Variants in ABLIM1 observed in about 807,000 individuals in gnomAD.
The protein encoded by ABLIM1 is actin binding LIM protein 1, also known as actin-binding LIM protein 1.
Under a neutral mutation model 107.0 loss-of-function variants are expected in ABLIM1, and 40 were observed. The ratio of observed to expected loss-of-function variants is 0.37; its 90% CI spans 0.29 to 0.49. ABLIM1 has a LOEUF of 0.49. ABLIM1 is among the 20% of genes least tolerant of loss of function. The pLI is 0.97. For missense variants in ABLIM1, 857 were observed against 1,008.5 expected, an observed-to-expected ratio of 0.85 and a Z score of 2.04; for synonymous variants, 357 against 357.3, an observed-to-expected ratio of 1.00 and a Z score of 0.01.
intron 6 of ABLIM1, among the ~76,000 whole-genome samples, chr10:114,534,746 T>A (rs556456583): frequency 6.6e-6 from 1 of 152,262 alleles, no homozygotes; most frequent in Admixed American, 6.5e-5. Context: ...CTTACACATT[T>A]CAGCCAAACT....
chr10:114,626,988 C>G (rs1429429965), intron 1 of ABLIM1, among the ~76,000 whole-genome samples: 1 of 152,154 alleles, frequency 6.6e-6, no homozygotes, highest in Admixed American at 6.5e-5. Context: ...TGACAGCCCT[C>G]AGAAGGAACC....
At chr10:114,444,977 C>T (rs1001707246) in intron 16 of ABLIM1, among the ~76,000 whole-genome samples, 6 of 152,242 alleles carry the variant, frequency 3.9e-5, no homozygotes, top group African/African-American at 7.2e-5. Context: ...TGGATACCAC[C>T]TTGCTCTGCC....
chr10:114,593,624 C>T (rs2075131482), intron 2 of ABLIM1, among the ~76,000 whole-genome samples: 1 of 152,172 alleles, frequency 6.6e-6, no homozygotes, highest in East Asian at 1.9e-4. Flanking sequence ...TTGTACTAGA[C>T]AGCAAACAAA....
chr10:114,575,572 C>A lies in ABLIM1; in HGVS notation c.407G>T (p.Gly136Val), dbSNP rs1213766258. 1.2e-6 allele frequency: 2 copies of A among 1,613,792 alleles called. No homozygotes were observed. The highest frequency in any genetic ancestry group is 2.7e-5 in the African/African-American group (2 of 74,916). Reference sequence around the variant, plus strand: ...ATACTCTCCGTTCTTTATGAAGAAGCCCCCTTGTGCCAGGTCACAGCCACA... The same window carrying A: ...ATACTCTCCGTTCTTTATGAAGAAGACCCCTTGTGCCAGGTCACAGCCACA... ...KVCGCDLAQG[G>V]FFIKNGEYLC... The change falls in exon 3 of 23, where the codon GGC becomes GTC. Residue 136 changes from glycine to valine, a missense_variant. Gly to Val is a moderately radical substitution (Grantham distance 109). Around this residue, in one of 5 missense-constraint regions of ABLIM1, gnomAD observed 176 missense variants for 173.5 expected, o/e 1.01. Transcript: ENST00000533213.
chr10:114,665,624 T>C (rs559386078), intron 1 of ABLIM1, among the ~76,000 whole-genome samples: 1 of 152,320 alleles, frequency 6.6e-6, no homozygotes, highest in South Asian at 2.1e-4. Context: ...CAATTGTCAT[T>C]CTTTCTTTAG....
intron 6 of ABLIM1, among the ~76,000 whole-genome samples, chr10:114,538,580 C>G (rs530960243): frequency 6.6e-6 from 1 of 152,130 alleles, no homozygotes; most frequent in Non-Finnish European, 1.5e-5. Flanking sequence ...GCCACCAGCC[C>G]GCCCAGAAAG....
In ABLIM1 at chr10:114,492,399, C is replaced by G. The variant is rs546434270; in HGVS notation, c.895-521G>C. On this transcript the variant is annotated intron_variant, in intron 6 of 22. Coordinates refer to ENST00000533213, the MANE Select transcript of ABLIM1 (RefSeq NM_002313.7). ...TTATCTCAAGGGGGGCCCTAAGTCT[C>G]CTCTATGCAGCTTGCAACAATCTTT... Among the ~76,000 whole-genome samples the G allele has an allele frequency of 5.3e-5, 8 of 152,302 alleles. No individual in the cohort carries two copies. The Middle Eastern group carries it at 0.01, about 194-fold the overall frequency.
chr10:114,479,680 T>C (rs1438595330), intron 8 of ABLIM1, among the ~76,000 whole-genome samples: 1 of 152,226 alleles, frequency 6.6e-6, no homozygotes, highest in African/African-American at 2.4e-5. Flanking sequence ...CCACAGTCCC[T>C]AATGTCTCTC....
At chr10:114,681,340 C>T (rs1487116454) in intron 1 of ABLIM1, among the ~76,000 whole-genome samples, 2 of 152,116 alleles carry the variant, frequency 1.3e-5, no homozygotes, top group Non-Finnish European at 2.9e-5. Flanking sequence ...GGATTACAGG[C>T]GTGTGTCACC....
At chr10:114,453,535 A>G (rs765113200) in intron 12 of ABLIM1, 52 bp from the exon 13 acceptor site, 1 of 1,397,832 alleles carries the variant, frequency 7.2e-7, no homozygotes, top group Admixed American at 2.5e-5. Flanking sequence ...GAGAGAAACA[A>G]AGAAAACAAA....
At chr10:114,690,894 C>CCA in intron 1 of ABLIM1, among the ~76,000 whole-genome samples, 1 of 152,316 alleles carries the variant, frequency 6.6e-6, no homozygotes, top group Admixed American at 6.5e-5. Flanking sequence ...GTTGGCCAGG[C>CCA]TGGTCTCGAA....
intron 1 of ABLIM1, among the ~76,000 whole-genome samples, chr10:114,651,410 G>A (rs1465345027): frequency 6.6e-6 from 1 of 152,162 alleles, no homozygotes; most frequent in Non-Finnish European, 1.5e-5. Context: ...CCGGCCCAGA[G>A]GAGGAAAAGC....
At chr10:114,471,008 C>T (rs1411705892) in intron 10 of ABLIM1, among the ~76,000 whole-genome samples, 2 of 152,204 alleles carry the variant, frequency 1.3e-5, no homozygotes, top group Non-Finnish European at 2.9e-5. Context: ...TCTCAGCCTC[C>T]CAAGTTGCTG....
At chr10:114,783,225 T>A in the ABLIM1 span, among the ~76,000 whole-genome samples, 2 of 151,706 alleles carry the variant, frequency 1.3e-5, no homozygotes, top group African/African-American at 2.4e-5. Context: ...GAGGTTGCAG[T>A]GAGCCAAGAT....
intron 4 of ABLIM1, among the ~76,000 whole-genome samples, chr10:114,558,903 G>C (rs2069179863): frequency 1.4e-5 from 1 of 70,316 alleles, no homozygotes; most frequent in Non-Finnish European, 2.3e-5. Context: ...GGGAGAACTA[G>C]TGTGTGTGTC....
intron 6 of ABLIM1, among the ~76,000 whole-genome samples, chr10:114,495,972 A>G (rs970668368): frequency 6.6e-6 from 1 of 152,218 alleles, no homozygotes; most frequent in Non-Finnish European, 1.5e-5. Flanking sequence ...ACCAAAAGAC[A>G]TTTTGAAAAT....
At chr10:114,495,260 G>T (rs9421175) in intron 6 of ABLIM1, among the ~76,000 whole-genome samples, 30,215 of 151,984 alleles carry the variant, frequency 0.2, 3,524 homozygotes, top group East Asian at 0.49. Flanking sequence ...GGAAAAAAAA[G>T]TCCATTTCTT....
chr10:114,480,194 C>A (rs778181206), intron 8 of ABLIM1, among the ~76,000 whole-genome samples: 2 of 152,116 alleles, frequency 1.3e-5, no homozygotes, highest in Non-Finnish European at 2.9e-5. Context: ...TCTAAATTAC[C>A]ATTTCCACCC....
At chr10:114,701,118 A>AG (rs1356547870) in intron 1 of ABLIM1, among the ~76,000 whole-genome samples, 1 of 152,272 alleles carries the variant, frequency 6.6e-6, no homozygotes, top group East Asian at 1.9e-4. Flanking sequence ...TTAAAAACAG[A>AG]GGGGTAGAGA....
Sources: gnomAD v4.1 joint callset for allele counts (sites outside exome capture counted in the v4.1 genomes callset) on GRCh38, gnomAD v4.1.1 for gene constraint, gnomAD v4.1.1 regional missense constraint, MANE v1.5 for transcripts, NCBI Gene and HGNC (gene_info 2026-07-23, HGNC 2026-07-21) for gene names.